Variants in PREX2 observed in about 807,000 individuals in gnomAD.
PREX2 encodes the protein phosphatidylinositol 3,4,5-trisphosphate-dependent Rac exchanger 2 protein.
Under a neutral mutation model 203.2 loss-of-function variants are expected in PREX2, and 107 were observed. The observed-to-expected ratio is 0.53, with a 90% CI of 0.45 to 0.62. The LOEUF is 0.62. PREX2 is among the 20% of genes least tolerant of loss of function. The pLI is 0.00. For synonymous variants in PREX2, 672 were observed against 663.6 expected (o/e 1.01, Z -0.19); for missense variants, 1,777 against 1,955.9 (o/e 0.91, Z 1.72).
At position 68,232,544 on chromosome 8, in the gene PREX2, GATA is replaced by G. The variant is rs1281683203; in HGVS notation, c.*1169_*1171del. On this transcript the variant is annotated 3_prime_UTR_variant, in exon 40 of 40. Transcript: ENST00000288368. Reference sequence around the variant, plus strand: ...TTTCAAACAAAACACTCATGATTGTGATAATTATATGGGTTTACACTAATTTAG... The same window carrying G: ...TTTCAAACAAAACACTCATGATTGTGATTATATGGGTTTACACTAATTTAG... 1 of 152,044 alleles carries G rather than the reference GATA, an allele frequency of 6.6e-6. No individual in the cohort carries two copies. The highest frequency in any genetic ancestry group is 1.5e-5 in the Non-Finnish European group (1 of 68,004). 9.4% of individuals were successfully genotyped at this position (152,044 alleles called of 1,614,324 possible).
chr8:68,179,440 C>G (rs1812043104), intron 35 of PREX2, among the ~76,000 whole-genome samples: 1 of 151,860 alleles, frequency 6.6e-6, no homozygotes, highest in Non-Finnish European at 1.5e-5. Flanking sequence ...AGAGCAGATT[C>G]TGAAAGAGGG....
intron 6 of PREX2, among the ~76,000 whole-genome samples, chr8:68,035,052 A>G (rs1807990843): frequency 6.6e-6 from 1 of 152,146 alleles, no homozygotes; most frequent in Admixed American, 6.6e-5. Flanking sequence ...TAGTAAAATG[A>G]AAATTTATGT....
At position 68,231,457 on chromosome 8, in the gene PREX2, C is replaced by A; in HGVS notation, c.*79C>A. 8.7e-7 allele frequency: 1 copy of A among 1,143,294 alleles called. No homozygotes were observed. The highest frequency in any genetic ancestry group is 1.2e-6 in the Non-Finnish European group (1 of 820,828). The allele number at this position is 1,143,294 out of a possible 1,614,324, so 70.8% of individuals were successfully genotyped here. A position where few individuals can be genotyped will look rare whatever the true frequency, so the allele number is the denominator to read the frequency against. Reference sequence around the variant, plus strand: ...AAACTACATGCTGGCTAAACATTCTCCACTGAAGATACATCAATGCTTTTT... The same window carrying A: ...AAACTACATGCTGGCTAAACATTCTACACTGAAGATACATCAATGCTTTTT... On this transcript the variant is annotated 3_prime_UTR_variant, in exon 40 of 40. Transcript: ENST00000288368.
chr8:68,020,780 A>G (rs1585711636), intron 3 of PREX2, among the ~76,000 whole-genome samples: 1 of 152,334 alleles, frequency 6.6e-6, no homozygotes, highest in East Asian at 1.9e-4. Flanking sequence ...TTGCTATCTC[A>G]GTCCAGGGCT....
At chr8:68,213,813 G>A (rs2129615197) in intron 37 of PREX2, among the ~76,000 whole-genome samples, 1 of 152,232 alleles carries the variant, frequency 6.6e-6, no homozygotes, top group Non-Finnish European at 1.5e-5. Flanking sequence ...TCTAAGCAGA[G>A]CCATTACTTG....
chr8:67,994,325 C>A (rs551600933), intron 1 of PREX2, among the ~76,000 whole-genome samples: 1 of 152,144 alleles, frequency 6.6e-6, no homozygotes, highest in Admixed American at 6.5e-5. Flanking sequence ...ACCTTGTTTG[C>A]GTTTGACAGG....
chr8:68,014,525 T>G (rs1453364434), intron 1 of PREX2, among the ~76,000 whole-genome samples: 1 of 152,142 alleles, frequency 6.6e-6, no homozygotes, highest in Non-Finnish European at 1.5e-5. Context: ...GTGTAGTGTC[T>G]GCATCTCCCT....
At position 68,022,198 on chromosome 8, in the gene PREX2, G is replaced by A. The variant is rs1347276316; in HGVS notation, c.441+58G>A. The A allele has an allele frequency of 5.8e-6, 5 of 862,938 alleles. No homozygotes were observed. In the Admixed American group the frequency reaches 8.6e-5, roughly 15 times the overall value. 53.5% of individuals were successfully genotyped at this position (862,938 alleles called of 1,614,324 possible). On this transcript the variant is annotated intron_variant, in intron 4 of 39. Coordinates refer to ENST00000288368, the MANE Select transcript of PREX2 (RefSeq NM_024870.4). Reference sequence around the variant, plus strand: ...ATATGTGTTGCTAGATCCAGTGAGAGCCAAGGAATAGCATCAATATGGAGT... The same window carrying A: ...ATATGTGTTGCTAGATCCAGTGAGAACCAAGGAATAGCATCAATATGGAGT...
At chr8:68,045,026 G>A (rs1205595520) in intron 8 of PREX2, among the ~76,000 whole-genome samples, 1 of 151,974 alleles carries the variant, frequency 6.6e-6, no homozygotes, top group Non-Finnish European at 1.5e-5. Flanking sequence ...ATATAGACAG[G>A]TTGTCAATTT....
In PREX2 at chr8:68,234,650, A is replaced by C. The variant is rs1213218053; in HGVS notation, c.*3272A>C. On this transcript the variant is annotated 3_prime_UTR_variant, in exon 40 of 40. Transcript: ENST00000288368. ...TAGTTTTACTTATATTGGATATATA[A>C]TATTGAATTTATAGTATAAGCTTTA... 3 of 152,124 alleles carry C rather than the reference A, an allele frequency of 2.0e-5. No individual in the cohort carries two copies. Among genetic ancestry groups the C allele is most frequent in the Non-Finnish European group, 4.4e-5 (3 of 68,010 alleles). 9.4% of individuals were successfully genotyped at this position (152,124 alleles called of 1,614,324 possible). A position where few individuals can be genotyped will look rare whatever the true frequency, so the allele number is the denominator to read the frequency against.
At chr8:68,047,363 A>C (rs2129610973) in intron 8 of PREX2, among the ~76,000 whole-genome samples, 1 of 151,356 alleles carries the variant, frequency 6.6e-6, no homozygotes, top group South Asian at 2.1e-4. Flanking sequence ...GGCCCTGGAT[A>C]AGTTAAATGA....
chr8:68,052,020 C>T (rs1322656217), intron 8 of PREX2, among the ~76,000 whole-genome samples: 1 of 152,018 alleles, frequency 6.6e-6, no homozygotes, highest in Non-Finnish European at 1.5e-5. Context: ...CTATGGAAAC[C>T]AGATTTTGGG....
chr8:67,997,294 A>G (rs1346563107), intron 1 of PREX2, among the ~76,000 whole-genome samples: 1 of 152,034 alleles, frequency 6.6e-6, no homozygotes, highest in Non-Finnish European at 1.5e-5. Context: ...GAAACGTCCC[A>G]AGACCCCCAG....
chr8:68,148,367 G>T (rs566275175), intron 34 of PREX2, among the ~76,000 whole-genome samples: 61 of 152,310 alleles, frequency 4.0e-4, no homozygotes, highest in Non-Finnish European at 3.2e-4. Context: ...AATTGTTAAA[G>T]ACTCTTTTCC....
At position 68,231,382 on chromosome 8, in the gene PREX2, G is replaced by T; in HGVS notation, c.*4G>T. ...TCCCCCAGCTGGAGAAGAATGAAAA[G>T]AACTCCCAAGAAACCAGGCAGGCAG... is the stretch of plus-strand genomic sequence containing the variant. On this transcript the variant is annotated 3_prime_UTR_variant, in exon 40 of 40. Transcript: ENST00000288368. The T allele has an allele frequency of 1.9e-6, 3 of 1,597,354 alleles. No individual in the cohort carries two copies. The South Asian group carries it at 3.4e-5, about 18-fold the overall frequency.
At chr8:67,993,501 G>A (rs1355236259) in intron 1 of PREX2, among the ~76,000 whole-genome samples, 2 of 150,652 alleles carry the variant, frequency 1.3e-5, no homozygotes, top group Non-Finnish European at 2.9e-5. Flanking sequence ...CCGCCTCCCA[G>A]GCTCAAGCAA....
rs1206783996 is a variant in PREX2 at position 68,182,713 on chromosome 8, C to T, written c.4347-9009C>T. Among the ~76,000 whole-genome samples the T allele has an allele frequency of 2.6e-5, 4 of 151,928 alleles. No individual in the cohort carries two copies. In the East Asian group the frequency reaches 7.8e-4, roughly 30 times the overall value. On this transcript the variant is annotated intron_variant, in intron 35 of 39. Coordinates refer to ENST00000288368, the MANE Select transcript of PREX2 (RefSeq NM_024870.4). ...ATACTACATTAAGAAGTATTAGGTA[C>T]ATGCCATGTTTCAGGCACTCATTGC...
chr8:67,969,940 T>C (rs1383505287), intron 1 of PREX2, among the ~76,000 whole-genome samples: 1 of 152,216 alleles, frequency 6.6e-6, no homozygotes, highest in Non-Finnish European at 1.5e-5. Context: ...CATCTGAGTC[T>C]CACTCCGGTC....
chr8:67,973,397 C>G (rs76341228), intron 1 of PREX2, among the ~76,000 whole-genome samples: 7,261 of 152,252 alleles, frequency 0.048, 372 homozygotes, highest in African/African-American at 0.13. Flanking sequence ...AAGAATCTCT[C>G]CGATAGGGTT....
Sources: allele counts gnomAD v4.1 joint callset (sites outside exome capture counted in the v4.1 genomes callset), GRCh38; gene constraint gnomAD v4.1.1; transcripts MANE v1.5; gene names NCBI Gene and HGNC (gene_info 2026-07-23, HGNC 2026-07-21).